The following GALNTL6 variants were observed in gnomAD, a reference collection of about 807,000 sequenced individuals.
GALNTL6 encodes the protein polypeptide N-acetylgalactosaminyltransferase-like 6.
In GALNTL6, 46 loss-of-function variants were observed where a neutral mutation model predicts 73.7. The observed-to-expected ratio is 0.62, with a 90% CI of 0.49 to 0.80. The LOEUF (loss-of-function observed/expected upper bound fraction) is 0.80. Among genes scored for constraint, GALNTL6 ranks in the 30% least tolerant of loss-of-function variants. GALNTL6 has a pLI of 0.00. For missense variants in GALNTL6, 604 were observed against 755.0 expected (o/e 0.80, Z 2.34); for synonymous variants, 259 against 263.7 (o/e 0.98, Z 0.17).
chr4:172,437,026 A>G (rs1446598752), intron 5 of GALNTL6, among the ~76,000 whole-genome samples: 4 of 152,160 alleles, frequency 2.6e-5, no homozygotes, highest in Non-Finnish European at 2.9e-5. Flanking sequence ...TTTTTTGCAC[A>G]TATATATAAA....
At chr4:172,372,811 A>T (rs972767759) in intron 5 of GALNTL6, among the ~76,000 whole-genome samples, 4 of 151,970 alleles carry the variant, frequency 2.6e-5, no homozygotes, top group Non-Finnish European at 5.9e-5. Context: ...GTATCCGGGG[A>T]TCCATAGTCG....
intron 7 of GALNTL6, among the ~76,000 whole-genome samples, chr4:172,878,861 C>T (rs1238151950): frequency 6.6e-6 from 1 of 151,572 alleles, no homozygotes; most frequent in Non-Finnish European, 1.5e-5. Context: ...TATAAGAAAA[C>T]TATTTTAAGC....
intron 2 of GALNTL6, among the ~76,000 whole-genome samples, chr4:172,163,672 G>A (rs374932780): frequency 2.0e-5 from 3 of 151,942 alleles, no homozygotes; most frequent in African/African-American, 4.8e-5. Flanking sequence ...GTTTCTTTAC[G>A]TTAAACTTTG....
At chr4:172,150,795 G>C (rs1734063195) in intron 2 of GALNTL6, among the ~76,000 whole-genome samples, 1 of 152,112 alleles carries the variant, frequency 6.6e-6, no homozygotes, top group Non-Finnish European at 1.5e-5. Context: ...ATATTTTTAA[G>C]CATACTCACC....
chr4:172,849,363 T>A (rs1743689839), intron 7 of GALNTL6, among the ~76,000 whole-genome samples: 1 of 152,030 alleles, frequency 6.6e-6, no homozygotes, highest in South Asian at 2.1e-4. Flanking sequence ...AGTGAAAAAA[T>A]GTCTCATTCA....
At chr4:171,950,523 C>T (rs1447500008) in intron 2 of GALNTL6, among the ~76,000 whole-genome samples, 1 of 150,398 alleles carries the variant, frequency 6.6e-6, no homozygotes, top group East Asian at 2.0e-4. Context: ...CTCTGTTGCC[C>T]AGACTGGAGT....
rs565436284 is a variant in GALNTL6, at chr4:171,975,585, T to C, written c.138+160867T>C. 2.0e-5 allele frequency among the ~76,000 whole-genome samples: 3 copies of C among 151,992 alleles called. No individual in the cohort carries two copies. The East Asian group carries it at 5.8e-4, about 30-fold the overall frequency. On this transcript the variant is annotated intron_variant, in intron 2 of 12. Coordinates refer to ENST00000506823, the MANE Select transcript of GALNTL6 (RefSeq NM_001034845.3). ...TTGAATTGGAACTTAAAAGACATAC[T>C]AGAGAAAAGCAAAAGCAAAAGAAAG...
intron 2 of GALNTL6, among the ~76,000 whole-genome samples, chr4:171,821,287 C>A (rs561782717): frequency 1.3e-5 from 2 of 152,112 alleles, no homozygotes; most frequent in Admixed American, 6.5e-5. Context: ...GAGATCCCCC[C>A]ACTTCAGCCT....
chr4:172,792,042 TG>T (rs1740022911), intron 5 of GALNTL6, among the ~76,000 whole-genome samples: 1 of 152,210 alleles, frequency 6.6e-6, no homozygotes, highest in Non-Finnish European at 1.5e-5. Flanking sequence ...TGGACTGGTT[TG>T]GCTGTTCCAT....
intron 5 of GALNTL6, among the ~76,000 whole-genome samples, chr4:172,435,317 A>C (rs955206806): frequency 3.1e-4 from 47 of 152,320 alleles, no homozygotes; most frequent in African/African-American, 1.1e-3. Flanking sequence ...CCAACTAAGA[A>C]AGAAAACAAG....
At chr4:172,257,290 C>A (rs1170180754) in intron 3 of GALNTL6, among the ~76,000 whole-genome samples, 1 of 151,212 alleles carries the variant, frequency 6.6e-6, no homozygotes, top group Non-Finnish European at 1.5e-5. Flanking sequence ...GTGCTATCTC[C>A]CTCCAAACTT....
intron 5 of GALNTL6, among the ~76,000 whole-genome samples, chr4:172,753,422 T>C (rs544045837): frequency 6.6e-6 from 1 of 152,212 alleles, no homozygotes; most frequent in Non-Finnish European, 1.5e-5. Context: ...AATATTTAGG[T>C]TATTTTGAAT....
At chr4:172,870,095 G>A (rs1173801101) in intron 7 of GALNTL6, among the ~76,000 whole-genome samples, 2 of 146,126 alleles carry the variant, frequency 1.4e-5, no homozygotes, top group African/African-American at 5.1e-5. Context: ...ATCATCATCA[G>A]GTGTTTATAA....
chr4:172,983,509 A>G (rs145973274), intron 10 of GALNTL6, among the ~76,000 whole-genome samples: 2 of 152,322 alleles, frequency 1.3e-5, no homozygotes, highest in African/African-American at 4.8e-5. Context: ...AGCCTGGCCA[A>G]CATGGTGAAA....
intron 5 of GALNTL6, among the ~76,000 whole-genome samples, chr4:172,686,499 A>G (rs1732927312): frequency 6.6e-6 from 1 of 152,230 alleles, no homozygotes; most frequent in Non-Finnish European, 1.5e-5. Context: ...ATTGTTAGCT[A>G]TAAAGGTGAG....
intron 3 of GALNTL6, among the ~76,000 whole-genome samples, chr4:172,282,351 G>A (rs1739090365): frequency 6.6e-6 from 1 of 152,106 alleles, no homozygotes; most frequent in Non-Finnish European, 1.5e-5. Context: ...CCACCCAAAG[G>A]ACTAAAATAG....
At chr4:172,190,527 C>T (rs1735545175) in intron 2 of GALNTL6, among the ~76,000 whole-genome samples, 3 of 151,950 alleles carry the variant, frequency 2.0e-5, no homozygotes, top group African/African-American at 7.3e-5. Flanking sequence ...GTTAACCCAG[C>T]AGAGAGAAGA....
intron 8 of GALNTL6, among the ~76,000 whole-genome samples, chr4:172,889,823 A>G (rs1049964227): frequency 6.6e-6 from 1 of 152,170 alleles, no homozygotes; most frequent in Non-Finnish European, 1.5e-5. Flanking sequence ...TAATTTTAGT[A>G]GAATTGGTAG....
intron 5 of GALNTL6, among the ~76,000 whole-genome samples, chr4:172,372,124 C>A (rs1352301249): frequency 6.6e-6 from 1 of 152,204 alleles, no homozygotes; most frequent in Non-Finnish European, 1.5e-5. Context: ...TATGGCATAA[C>A]CTACCCTTCG....
Sources: gnomAD v4.1 joint callset for allele counts (sites outside exome capture counted in the v4.1 genomes callset) on GRCh38, gnomAD v4.1.1 for gene constraint, MANE v1.5 for transcripts, NCBI Gene and HGNC (gene_info 2026-07-23, HGNC 2026-07-21) for gene names.